The following BCAS3 variants were observed in gnomAD, a reference collection of about 807,000 sequenced individuals.
The protein encoded by BCAS3 is BCAS4/BCAS3 fusion.
Under a neutral mutation model 116.1 loss-of-function variants are expected in BCAS3, and 53 were observed. The ratio of observed to expected loss-of-function variants is 0.46; its 90% CI spans 0.37 to 0.57. BCAS3 has a LOEUF of 0.57. BCAS3 is among the 20% of genes least tolerant of loss of function. The probability of loss-of-function intolerance (pLI) is 0.00; values close to 1 mark genes in which losing one functional copy is unlikely to be tolerated. For synonymous variants in BCAS3, 391 were observed against 408.2 expected (o/e 0.96, Z 0.51); for missense variants, 917 against 1,165.4 (o/e 0.79, Z 3.10).
rs369302933 is a variant in BCAS3, at chr17:61,368,458, G to A, written c.2557G>A (p.Glu853Lys). Residue 853 changes from glutamate (E) to lysine (K), a missense_variant, in exon 23 of 24, where the codon GAG becomes AAG. Coordinates refer to ENST00000407086, the MANE Select transcript of BCAS3 (RefSeq NM_017679.5). This position sits in a 1 kb window ranked among gnomAD's most constrained non-coding sequence, Gnocchi z 6.0. ...LRERLADAMA[E>K]SPSRDVVGSG... ...GGAGCGACTTGCCGACGCCATGGCC[G>A]AGTCACCTAGCCGGGACGTCGTGGG... 6.2e-6 allele frequency: 10 copies of A among 1,611,438 alleles called. No individual in the cohort carries two copies. The highest frequency in any genetic ancestry group is 7.6e-6 in the Non-Finnish European group (9 of 1,177,768).
rs1749605186 is a variant in BCAS3 at position 61,008,352 on chromosome 17, A to G, written c.1487-7399A>G. 6.6e-6 allele frequency among the ~76,000 whole-genome samples: 1 copy of G among 151,840 alleles called. No individual in the cohort carries two copies. The highest frequency in any genetic ancestry group is 2.4e-5 in the African/African-American group (1 of 41,336). ...GAGACACACACTCCCATCCCAACCA[A>G]AAATAACCCACCTGCAGGAAATTCC... is the stretch of plus-strand genomic sequence containing the variant. On this transcript the variant is annotated intron_variant, in intron 15 of 23. Transcript: ENST00000407086. The surrounding 1 kb of genome is among the most constrained non-coding windows in gnomAD (Gnocchi z 4.6).
chr17:60,797,708 G>A (rs2047340275), intron 6 of BCAS3, among the ~76,000 whole-genome samples: 1 of 151,884 alleles, frequency 6.6e-6, no homozygotes, highest in Admixed American at 6.6e-5. Flanking sequence ...GACAGGCCCT[G>A]GTGTATGATG....
At chr17:60,980,051 G>A (rs2145393739) in intron 14 of BCAS3, among the ~76,000 whole-genome samples, 1 of 152,190 alleles carries the variant, frequency 6.6e-6, no homozygotes, top group East Asian at 1.9e-4. Flanking sequence ...CTATTGATTG[G>A]AATAGTTTCA....
rs936229236 is a variant in BCAS3, at chr17:61,068,559, G to A, written c.2030-6361G>A. Among the ~76,000 whole-genome samples the A allele has an allele frequency of 1.3e-4, 20 of 152,296 alleles. No individual in the cohort carries two copies. The South Asian group carries it at 2.5e-3, about 19-fold the overall frequency. On this transcript the variant is annotated intron_variant, in intron 19 of 23. Transcript: ENST00000407086. This position sits in a 1 kb window ranked among gnomAD's most constrained non-coding sequence, Gnocchi z 4.3. ...TCTCCTCTAAGCTATGGAGAACATG[G>A]TAAGGTTGTCACAGACCTGGCTGTA...
In BCAS3 at chr17:61,214,769, G is replaced by T. The variant is rs1205358812; in HGVS notation, c.2425+130205G>T. 6.6e-6 allele frequency among the ~76,000 whole-genome samples: 1 copy of T among 152,198 alleles called. No individual in the cohort carries two copies. The highest frequency in any genetic ancestry group is 2.4e-5 in the African/African-American group (1 of 41,442). ...GGATATTTTGATGGACTGTTCTTTG[G>T]AATTAACAGGTCCACAAGCCAGTGG... On this transcript the variant is annotated intron_variant, in intron 22 of 23. Coordinates refer to ENST00000407086, the MANE Select transcript of BCAS3 (RefSeq NM_017679.5). The surrounding 1 kb of genome is among the most constrained non-coding windows in gnomAD (Gnocchi z 4.4).
intron 22 of BCAS3, among the ~76,000 whole-genome samples, chr17:61,320,791 A>G (rs973239078): frequency 2.6e-5 from 4 of 152,144 alleles, no homozygotes; most frequent in Non-Finnish European, 5.9e-5. Context: ...ACCTTTTCTA[A>G]TACTTGCTTT....
In BCAS3 at chr17:60,799,520, G is replaced by GTTTTTT. The variant is rs200098763; in HGVS notation, c.404-8481_404-8480insTTTTTT. ...AATATGTAAGTTTTTTGAGATTAGTGTTTGTTTTTTTTTTTTTTTTTTTTT... is the reference window on the plus strand; with the variant it reads ...AATATGTAAGTTTTTTGAGATTAGTGTTTTTTTTTGTTTTTTTTTTTTTTTTTTTTT... On this transcript the variant is annotated intron_variant, in intron 6 of 23. Coordinates refer to ENST00000407086, the MANE Select transcript of BCAS3 (RefSeq NM_017679.5). Among the ~76,000 whole-genome samples, 941 of 117,494 alleles carry GTTTTTT rather than the reference G, an allele frequency of 8.0e-3. 98 individuals carry two copies. The highest frequency in any genetic ancestry group is 0.017 in the African/African-American group (454 of 27,108). The allele number at this position is 117,494 out of a possible 152,430, so 77.1% of individuals were successfully genotyped here.
At chr17:60,988,360 T>TTTTTTTTTTTTTTTTG (rs1555651709) in intron 14 of BCAS3, among the ~76,000 whole-genome samples, 16 of 134,800 alleles carry the variant, frequency 1.2e-4, no homozygotes, top group African/African-American at 4.8e-4. Flanking sequence ...TTTTTTTTTT[T>TTTTTTTTTTTTTTTTG]ATGTATGTGT....
At chr17:61,253,075 C>T (rs2048491612) in intron 22 of BCAS3, among the ~76,000 whole-genome samples, 1 of 151,244 alleles carries the variant, frequency 6.6e-6, no homozygotes, top group African/African-American at 2.4e-5. Context: ...GGGGTTCCAC[C>T]ATGTTGACCA....
chr17:61,343,300 G>A lies in BCAS3; in HGVS notation c.2426-25027G>A, dbSNP rs2057305800. ...AAGCCCTTCAATTGTGCACCGTTGTGTATGGTGCCAGAGTAGCTTCTGAAT... is the reference window on the plus strand; with the variant it reads ...AAGCCCTTCAATTGTGCACCGTTGTATATGGTGCCAGAGTAGCTTCTGAAT... On this transcript the variant is annotated intron_variant, in intron 22 of 23. Transcript: ENST00000407086. This position sits in a 1 kb window ranked among gnomAD's most constrained non-coding sequence, Gnocchi z 5.5. 1.3e-5 allele frequency among the ~76,000 whole-genome samples: 2 copies of A among 152,234 alleles called. No homozygotes were observed. Among genetic ancestry groups the A allele is most frequent in the Admixed American group, 6.5e-5 (1 of 15,282 alleles).
intron 22 of BCAS3, among the ~76,000 whole-genome samples, chr17:61,089,475 CTT>C (rs746515447): frequency 1.9e-4 from 3 of 15,940 alleles, no homozygotes; most frequent in African/African-American, 1.9e-4. Context: ...GAAGAGTATT[CTT>C]TTTTTTTTTT....
rs1331679775 is a variant in BCAS3 at position 61,204,864 on chromosome 17, C to T, written c.2425+120300C>T. On this transcript the variant is annotated intron_variant, in intron 22 of 23. Coordinates refer to ENST00000407086, the MANE Select transcript of BCAS3 (RefSeq NM_017679.5). The surrounding 1 kb of genome is among the most constrained non-coding windows in gnomAD (Gnocchi z 4.2). ...GCCAGGAGTTCGAGACCAGCCTGGG[C>T]AACAGGGCAAAACACCTTCTCAACA... Among the ~76,000 whole-genome samples, 1 of 152,092 alleles carries T rather than the reference C, an allele frequency of 6.6e-6. No individual in the cohort carries two copies. The highest frequency in any genetic ancestry group is 1.9e-4 in the East Asian group (1 of 5,196).
In BCAS3 at chr17:61,214,775, A is replaced by G. The variant is rs891382514; in HGVS notation, c.2425+130211A>G. Among the ~76,000 whole-genome samples the G allele has an allele frequency of 4.6e-5, 7 of 152,246 alleles. No homozygotes were observed. The highest frequency in any genetic ancestry group is 1.7e-4 in the African/African-American group (7 of 41,464). On this transcript the variant is annotated intron_variant, in intron 22 of 23. Coordinates refer to ENST00000407086, the MANE Select transcript of BCAS3 (RefSeq NM_017679.5). The surrounding 1 kb of genome is among the most constrained non-coding windows in gnomAD (Gnocchi z 4.4). ...TTTGATGGACTGTTCTTTGGAATTAACAGGTCCACAAGCCAGTGGCTTTTC... is the reference window on the plus strand; with the variant it reads ...TTTGATGGACTGTTCTTTGGAATTAGCAGGTCCACAAGCCAGTGGCTTTTC...
At chr17:60,784,253 A>G (rs2046080751) in intron 6 of BCAS3, among the ~76,000 whole-genome samples, 1 of 151,156 alleles carries the variant, frequency 6.6e-6, no homozygotes, top group African/African-American at 2.4e-5. Context: ...AGGTGAAAAT[A>G]CTTAGTGATG....
chr17:60,805,094 T>C (rs1348162897), intron 6 of BCAS3, among the ~76,000 whole-genome samples: 2 of 151,730 alleles, frequency 1.3e-5, no homozygotes, highest in Non-Finnish European at 2.9e-5. Context: ...ATTTTAAAGA[T>C]ATATAGTTAT....
At chr17:61,263,090 A>G (rs575237198) in intron 22 of BCAS3, among the ~76,000 whole-genome samples, 11 of 152,344 alleles carry the variant, frequency 7.2e-5, no homozygotes, top group East Asian at 3.9e-4. Flanking sequence ...GAATTACTCA[A>G]AGTCTTAGCA....
intron 15 of BCAS3, among the ~76,000 whole-genome samples, chr17:61,010,298 T>C (rs1053049532): frequency 9.9e-5 from 15 of 152,006 alleles, no homozygotes; most frequent in African/African-American, 3.4e-4. Context: ...ATAAGTAAGA[T>C]GGTATTTTGA....
At chr17:60,975,721 A>G (rs2062301175) in intron 14 of BCAS3, among the ~76,000 whole-genome samples, 3 of 152,156 alleles carry the variant, frequency 2.0e-5, no homozygotes, top group East Asian at 1.9e-4. Context: ...CTCCTCTGCA[A>G]TTACTAATTT....
intron 6 of BCAS3, among the ~76,000 whole-genome samples, chr17:60,768,719 A>C (rs1196174593): frequency 6.6e-6 from 1 of 152,182 alleles, no homozygotes; most frequent in Non-Finnish European, 1.5e-5. Context: ...TAGGACACCA[A>C]GTGGGTCATT....
Sources: allele counts gnomAD v4.1 joint callset (sites outside exome capture counted in the v4.1 genomes callset), GRCh38; gene constraint gnomAD v4.1.1; non-coding constraint Gnocchi (gnomAD v3.1); transcripts MANE v1.5; gene names NCBI Gene and HGNC (gene_info 2026-07-23, HGNC 2026-07-21).